The following CSMD1 variants were observed in gnomAD, a reference collection of about 807,000 sequenced individuals.
CSMD1 encodes the protein CUB and Sushi multiple domains 1, also known as CUB and sushi domain-containing protein 1.
In CSMD1, 213 loss-of-function variants were observed where a neutral mutation model predicts 417.5. That is an observed-to-expected ratio of 0.51 (90% confidence interval 0.46 to 0.57). The LOEUF is 0.57. Ranked by LOEUF, CSMD1 falls within the 20% of genes least tolerant of loss-of-function variation. The pLI is 0.00. For synonymous variants in CSMD1, 2,862 were observed against 1,736.8 expected, an observed-to-expected ratio of 1.65 and a Z score of -16.11; for missense variants, 6,923 against 4,529.7, an observed-to-expected ratio of 1.53 and a Z score of -15.17.
At chr8:4,583,560 C>G (rs1426993117) in intron 2 of CSMD1, among the ~76,000 whole-genome samples, 19 of 152,132 alleles carry the variant, frequency 1.2e-4, no homozygotes, top group Admixed American at 1.2e-3. Context: ...CACCAATCAG[C>G]ACCCTGTATT....
At chr8:3,647,340 T>G (rs1004689121) in intron 7 of CSMD1, among the ~76,000 whole-genome samples, 3 of 151,848 alleles carry the variant, frequency 2.0e-5, no homozygotes, top group African/African-American at 7.3e-5. Context: ...GAGGTAAATA[T>G]GGCAGAGAGA....
At chr8:4,074,672 G>C (rs1345151104) in intron 3 of CSMD1, among the ~76,000 whole-genome samples, 1 of 151,760 alleles carries the variant, frequency 6.6e-6, no homozygotes, top group African/African-American at 2.4e-5. Flanking sequence ...ATTGACAATG[G>C]TACGTTAAAA....
intron 3 of CSMD1, among the ~76,000 whole-genome samples, chr8:4,240,402 T>G (rs1715902737): frequency 1.3e-5 from 2 of 152,212 alleles, no homozygotes. Context: ...GTTGAGCACC[T>G]TTGCCTGCTC....
Position 4,339,410 on chromosome 8 carries a change from GCT to G in CSMD1, c.415+80541_415+80542del, listed in dbSNP as rs1477502906. On this transcript the variant is annotated intron_variant, in intron 3 of 69. Transcript: ENST00000635120. ...ATGCCCTGTGCTAATCTCAGTCCAG[GCT>G]CTCTTTCATGTAAATGAGAGGCTGG... Among the ~76,000 whole-genome samples, 10 of 152,122 alleles carry G rather than the reference GCT, an allele frequency of 6.6e-5. No homozygotes were observed. The South Asian group carries it at 1.5e-3, about 22-fold the overall frequency.
intron 3 of CSMD1, among the ~76,000 whole-genome samples, chr8:4,205,629 C>A (rs1471225154): frequency 6.6e-6 from 1 of 152,162 alleles, no homozygotes; most frequent in African/African-American, 2.4e-5. Flanking sequence ...AGGAGCCACA[C>A]AGAGTGAGAA....
intron 1 of CSMD1, among the ~76,000 whole-genome samples, chr8:4,854,010 A>G (rs531417188): frequency 1.2e-4 from 18 of 152,264 alleles, no homozygotes; most frequent in African/African-American, 4.1e-4. Flanking sequence ...CCTGGAACAC[A>G]ATTGTATCTT....
chr8:4,261,016 C>T lies in CSMD1; in HGVS notation c.415+158937G>A, dbSNP rs138501644. ...TATCATTCAATTAAAATACAAAGTT[C>T]AACGTAGACATCACTTACTATGCTT... On this transcript the variant is annotated intron_variant, in intron 3 of 69. Transcript: ENST00000635120. 6.0e-4 allele frequency among the ~76,000 whole-genome samples: 92 copies of T among 152,250 alleles called. No homozygotes were observed. The East Asian group carries it at 8.9e-3, about 15-fold the overall frequency.
intron 49 of CSMD1, among the ~76,000 whole-genome samples, chr8:3,066,509 G>A (rs1812946261): frequency 6.6e-6 from 1 of 152,180 alleles, no homozygotes; most frequent in Non-Finnish European, 1.5e-5. Context: ...CATGTATTTT[G>A]AAGTGGACTC....
intron 3 of CSMD1, among the ~76,000 whole-genome samples, chr8:4,353,563 C>G (rs184323073): frequency 6.6e-6 from 1 of 151,824 alleles, no homozygotes; most frequent in Non-Finnish European, 1.5e-5. Context: ...TACTAGATCA[C>G]GAATAAAGCC....
At chr8:4,110,039 G>A (rs1484583482) in intron 3 of CSMD1, among the ~76,000 whole-genome samples, 1 of 152,148 alleles carries the variant, frequency 6.6e-6, no homozygotes, top group Non-Finnish European at 1.5e-5. Flanking sequence ...CTGTGCCCAG[G>A]CTAGACTGAA....
chr8:4,973,768 G>T (rs1355792327), intron 1 of CSMD1, among the ~76,000 whole-genome samples: 1 of 152,110 alleles, frequency 6.6e-6, no homozygotes, highest in African/African-American at 2.4e-5. Context: ...ACCCAAAGAT[G>T]TAAAAGGGAA....
chr8:3,592,168 GTAGA>G (rs1800878419), intron 8 of CSMD1, among the ~76,000 whole-genome samples: 1 of 152,014 alleles, frequency 6.6e-6, no homozygotes, highest in Non-Finnish European at 1.5e-5. Flanking sequence ...ATCTGGTTAG[GTAGA>G]TAGATTGACA....
chr8:3,324,012 G>A (rs561399631), intron 23 of CSMD1, among the ~76,000 whole-genome samples: 3 of 143,898 alleles, frequency 2.1e-5, no homozygotes, highest in East Asian at 4.2e-4. Context: ...AACCCCCAGA[G>A]ACCCAGGAGG....
chr8:4,045,746 A>C lies in CSMD1; in HGVS notation c.416-13647T>G, dbSNP rs575595718. Among the ~76,000 whole-genome samples, 11 of 152,366 alleles carry C rather than the reference A, an allele frequency of 7.2e-5. No individual in the cohort carries two copies. The South Asian group carries it at 1.9e-3, about 26-fold the overall frequency. On this transcript the variant is annotated intron_variant, in intron 3 of 69. Transcript: ENST00000635120. ...AAAATAAAACGTGTGAACACCAGTG[A>C]ACTGTGAAACACAAAGACTAAATTA... is the stretch of plus-strand genomic sequence containing the variant.
chr8:4,152,793 G>T (rs924413243), intron 3 of CSMD1, among the ~76,000 whole-genome samples: 1 of 152,030 alleles, frequency 6.6e-6, no homozygotes, highest in Non-Finnish European at 1.5e-5. Context: ...CATTTTTATG[G>T]GAATATACAC....
At position 3,473,296 on chromosome 8, in the gene CSMD1, A is replaced by G. The variant is rs189641730; in HGVS notation, c.1449-4472T>C. ...TTCAATCAAATGTCAAATCAGGTTT[A>G]TGTTTATTACTCATTTTGGAATTTA... On this transcript the variant is annotated intron_variant, in intron 11 of 69. Coordinates refer to ENST00000635120, the MANE Select transcript of CSMD1 (RefSeq NM_033225.6). Among the ~76,000 whole-genome samples the G allele has an allele frequency of 2.1e-3, 321 of 152,262 alleles. 1 individual carries two copies. Among genetic ancestry groups the G allele is most frequent in the Non-Finnish European group, 3.2e-3 (216 of 68,018 alleles).
chr8:3,885,139 A>G (rs891591558), intron 5 of CSMD1, among the ~76,000 whole-genome samples: 33 of 152,206 alleles, frequency 2.2e-4, no homozygotes, highest in Admixed American at 1.9e-3. Flanking sequence ...CTCATTAACA[A>G]GATCCCATCT....
chr8:3,551,353 T>A (rs1445440377), intron 10 of CSMD1, among the ~76,000 whole-genome samples: 1 of 152,158 alleles, frequency 6.6e-6, no homozygotes, highest in African/African-American at 2.4e-5. Flanking sequence ...CTTTAGAGTT[T>A]GTGAGTCATT....
At chr8:4,145,189 A>G (rs892294148) in intron 3 of CSMD1, among the ~76,000 whole-genome samples, 1 of 151,226 alleles carries the variant, frequency 6.6e-6, no homozygotes, top group South Asian at 2.1e-4. Context: ...CTAAAACACT[A>G]GTACGTGTTT....
Sources: allele counts gnomAD v4.1 joint callset (sites outside exome capture counted in the v4.1 genomes callset), GRCh38; gene constraint gnomAD v4.1.1; transcripts MANE v1.5; gene names NCBI Gene and HGNC (gene_info 2026-07-23, HGNC 2026-07-21).